NTM: variants seen among roughly 807,000 people sequenced by gnomAD.
NTM encodes IgLON family member 2.
Under a neutral mutation model 42.1 loss-of-function variants are expected in NTM, and 13 were observed. That is an observed-to-expected ratio of 0.31 (90% confidence interval 0.20 to 0.49). The LOEUF is 0.49. NTM is among the 20% of genes least tolerant of loss of function. The pLI is 0.99. For synonymous variants in NTM, 187 were observed against 179.2 expected (o/e 1.04, Z -0.35); for missense variants, 373 against 452.8 (o/e 0.82, Z 1.60).
intron 1 of NTM, among the ~76,000 whole-genome samples, chr11:131,513,616 G>GT (rs1447021204): frequency 3.3e-5 from 5 of 152,188 alleles, no homozygotes; most frequent in Admixed American, 6.5e-5. Flanking sequence ...AGACTGATAT[G>GT]AAAGCGCTTT....
intron 1 of NTM, among the ~76,000 whole-genome samples, chr11:131,814,620 T>G (rs1211956828): frequency 1.3e-5 from 2 of 152,126 alleles, no homozygotes; most frequent in Non-Finnish European, 2.9e-5. Context: ...CCGTTGGTAA[T>G]CAATGCAAAG....
At chr11:131,941,630 G>A (rs531474017) in intron 2 of NTM, among the ~76,000 whole-genome samples, 35 of 152,292 alleles carry the variant, frequency 2.3e-4, no homozygotes, top group African/African-American at 6.3e-4. Context: ...GTAAATGAAC[G>A]ATAGAACTTT....
chr11:132,293,686 T>TC (rs1295917907), intron 4 of NTM, among the ~76,000 whole-genome samples: 1 of 152,080 alleles, frequency 6.6e-6, no homozygotes, highest in Non-Finnish European at 1.5e-5. Flanking sequence ...GTTTTTTTTT[T>TC]TTCTTTTTAC....
chr11:131,425,074 G>T (rs1205478259), intron 1 of NTM, among the ~76,000 whole-genome samples: 2 of 151,516 alleles, frequency 1.3e-5, no homozygotes, highest in African/African-American at 2.4e-5. Context: ...TGGAGACAGG[G>T]TTTCATCATG....
chr11:131,435,274 C>A (rs1949027549), intron 1 of NTM, among the ~76,000 whole-genome samples: 1 of 152,186 alleles, frequency 6.6e-6, no homozygotes, highest in African/African-American at 2.4e-5. Context: ...GCAATGCGGG[C>A]TCTTTTTTGG....
intron 2 of NTM, among the ~76,000 whole-genome samples, chr11:131,947,584 T>G (rs2060487301): frequency 6.6e-6 from 1 of 152,150 alleles, no homozygotes. Flanking sequence ...GTATGAAACA[T>G]TCACAGTGAA....
chr11:131,807,608 G>A (rs1242211521), intron 1 of NTM, among the ~76,000 whole-genome samples: 2 of 152,122 alleles, frequency 1.3e-5, no homozygotes, highest in Non-Finnish European at 2.9e-5. Context: ...AGTGCTAAAA[G>A]GGATGCCCGT....
intron 1 of NTM, among the ~76,000 whole-genome samples, chr11:131,664,978 C>A (rs760557317): frequency 6.6e-6 from 1 of 152,106 alleles, no homozygotes; most frequent in Non-Finnish European, 1.5e-5. Context: ...TTCTGCTGGG[C>A]ACCAGAGGCA....
intron 2 of NTM, among the ~76,000 whole-genome samples, chr11:132,140,291 GTGC>G (rs2068828354): frequency 6.6e-6 from 1 of 152,160 alleles, no homozygotes. Context: ...TGCAGTGTGT[GTGC>G]TGCTGCTTTT....
At chr11:131,823,470 A>G (rs1236397395) in intron 1 of NTM, among the ~76,000 whole-genome samples, 1 of 152,190 alleles carries the variant, frequency 6.6e-6, no homozygotes, top group Admixed American at 6.5e-5. Flanking sequence ...GGTTGAATTA[A>G]GGAATTTGCT....
rs1178419440 is a variant in NTM at position 131,790,199 on chromosome 11, A to G, written c.83-121365A>G. Among the ~76,000 whole-genome samples the G allele has an allele frequency of 3.3e-5, 5 of 152,166 alleles. No homozygotes were observed. The East Asian group carries it at 5.8e-4, about 18-fold the overall frequency. On this transcript the variant is annotated intron_variant, in intron 1 of 8. Coordinates refer to ENST00000683400, the MANE Select transcript of NTM (RefSeq NM_001352005.2). ...TATGGAGAAAAAGATTGATAAGATC[A>G]AGGTAAAATCCGAGCAAATCATAGA...
At chr11:131,786,989 A>G (rs2089342730) in intron 1 of NTM, among the ~76,000 whole-genome samples, 1 of 150,806 alleles carries the variant, frequency 6.6e-6, no homozygotes, top group Non-Finnish European at 1.5e-5. Flanking sequence ...ATCCATGCAT[A>G]TGCTATTTTG....
intron 1 of NTM, among the ~76,000 whole-genome samples, chr11:131,567,216 C>A (rs1286198928): frequency 6.6e-6 from 1 of 152,102 alleles, no homozygotes; most frequent in Admixed American, 6.5e-5. Context: ...AGAGGCCGGG[C>A]ACAGTGGCTC....
At chr11:131,508,392 C>T (rs937175616) in intron 1 of NTM, among the ~76,000 whole-genome samples, 2,017 of 150,262 alleles carry the variant, frequency 0.013, 35 homozygotes, top group African/African-American at 0.047. Context: ...ACAACAGGTG[C>T]TAAAGAGGAT....
intron 4 of NTM, among the ~76,000 whole-genome samples, chr11:132,255,708 C>A (rs1591561935): frequency 6.6e-6 from 1 of 152,180 alleles, no homozygotes; most frequent in East Asian, 1.9e-4. Context: ...GTCACCTTCA[C>A]CTTTCTGCTG....
intron 4 of NTM, among the ~76,000 whole-genome samples, chr11:132,244,931 A>G (rs1320968620): frequency 1.3e-5 from 2 of 152,168 alleles, no homozygotes; most frequent in Non-Finnish European, 1.5e-5. Flanking sequence ...TGGTTTCATT[A>G]TTAATATACT....
chr11:131,739,084 A>C (rs2080855741), intron 1 of NTM, among the ~76,000 whole-genome samples: 5 of 152,156 alleles, frequency 3.3e-5, no homozygotes, highest in Admixed American at 3.3e-4. Context: ...CCAAGCTTAC[A>C]GTCACATTAT....
chr11:132,327,373 G>A (rs2095705886), intron 7 of NTM, among the ~76,000 whole-genome samples: 1 of 152,134 alleles, frequency 6.6e-6, no homozygotes, highest in African/African-American at 2.4e-5. Flanking sequence ...TAAAGAATGG[G>A]GACTAAAGTA....
At chr11:131,914,483 C>G (rs373033127) in intron 2 of NTM, among the ~76,000 whole-genome samples, 18 of 152,140 alleles carry the variant, frequency 1.2e-4, no homozygotes, top group African/African-American at 4.3e-4. Flanking sequence ...CAGCAGAGGA[C>G]TTTTTGCTCT....
Sources: gnomAD v4.1 joint callset for allele counts (sites outside exome capture counted in the v4.1 genomes callset) on GRCh38, gnomAD v4.1.1 for gene constraint, MANE v1.5 for transcripts, NCBI Gene and HGNC (gene_info 2026-07-23, HGNC 2026-07-21) for gene names.